UCHL5: variants seen among roughly 807,000 people sequenced by gnomAD.
The protein encoded by UCHL5 is ubiquitin carboxyl-terminal hydrolase isozyme L5.
A neutral mutation model predicts 53.8 loss-of-function variants in UCHL5; 34 were observed. The ratio of observed to expected loss-of-function variants is 0.63; its 90% confidence interval spans 0.48 to 0.84. The LOEUF is 0.84. UCHL5 is among the 40% of genes least tolerant of loss of function. UCHL5 has a pLI of 0.00. For missense variants in UCHL5, 290 were observed against 385.6 expected (o/e 0.75, Z 2.08); for synonymous variants, 111 against 126.3 (o/e 0.88, Z 0.81).
chr1:193,029,522 T>C lies in UCHL5; in HGVS notation c.372+10A>G. On this transcript the variant is annotated intron_variant, in intron 4 of 10. Transcript: ENST00000367454. ...ATATGACATTTTAGGAATAAGAAGA[T>C]TGTACTCACAGCTGCATCAAAACTT... 1 of 1,612,990 alleles carries C rather than the reference T, an allele frequency of 6.2e-7. No homozygotes were observed. Among genetic ancestry groups the C allele is most frequent in the African/African-American group, 1.3e-5 (1 of 75,012 alleles).
At chr1:193,060,040 T>A (rs1186717098), upstream of UCHL5, 5 of 1,344,930 alleles carry the variant, frequency 3.7e-6, no homozygotes, top group Non-Finnish European at 4.0e-6. Flanking sequence ...CCGCTCCTGC[T>A]TGTCGGCATC....
intron 1 of UCHL5, among the ~76,000 whole-genome samples, chr1:193,052,592 G>A (rs143556993): frequency 6.6e-5 from 10 of 152,220 alleles, no homozygotes; most frequent in African/African-American, 2.4e-4. Flanking sequence ...TAAGAGCTCG[G>A]GCTCCAAACT....
At chr1:193,029,765 T>C (rs984022302) in intron 3 of UCHL5, 108 bp from the exon 4 acceptor site, 2 of 893,550 alleles carry the variant, frequency 2.2e-6, no homozygotes, top group Non-Finnish European at 3.3e-6. Flanking sequence ...TTATATTTTA[T>C]GAAGTCTCAG....
At chr1:193,044,476 C>T (rs562603070) in intron 3 of UCHL5, among the ~76,000 whole-genome samples, 21 of 152,094 alleles carry the variant, frequency 1.4e-4, no homozygotes, top group African/African-American at 4.8e-4. Context: ...TTTCTGGATC[C>T]TTATATACAA....
At chr1:193,044,919 T>C (rs1310382922) in intron 3 of UCHL5, among the ~76,000 whole-genome samples, 1 of 152,126 alleles carries the variant, frequency 6.6e-6, no homozygotes, top group South Asian at 2.1e-4. Flanking sequence ...AAAACAATGA[T>C]ATGGGGAATC....
intron 6 of UCHL5, among the ~76,000 whole-genome samples, chr1:193,028,665 C>G (rs1322932826): frequency 6.6e-6 from 1 of 152,064 alleles, no homozygotes; most frequent in Non-Finnish European, 1.5e-5. Flanking sequence ...ATTTTTTGCT[C>G]AGCATTAGAG....
Position 193,029,651 on chromosome 1 carries a change from T to G in UCHL5, c.253A>C (p.Asn85His). 1 of 1,593,344 alleles carries G rather than the reference T, an allele frequency of 6.3e-7. No homozygotes were observed. Among genetic ancestry groups the G allele is most frequent in the Non-Finnish European group, 8.5e-7 (1 of 1,172,846 alleles). Residue 85 changes from asparagine to histidine, a missense_variant, in exon 4 of 11, where the codon AAT becomes CAT. Asn to His is a moderately conservative substitution (Grantham distance 68). Coordinates refer to ENST00000367454, the MANE Select transcript of UCHL5 (RefSeq NM_001199261.3). ...ATGGCTTGAGTAGCACAAGCATTAT[T>G]AATTACCTATAAAATATAAAAGTGA... ...DTIFFAKQVI[N>H]NACATQAIVS...
chr1:193,058,159 G>A (rs572027872), intron 1 of UCHL5, among the ~76,000 whole-genome samples: 34 of 152,084 alleles, frequency 2.2e-4, no homozygotes, highest in Non-Finnish European at 4.6e-4. Flanking sequence ...CCCGAGAGAT[G>A]GAGGTTGCAG....
intron 1 of UCHL5, among the ~76,000 whole-genome samples, chr1:193,058,611 GC>G (rs1376456553): frequency 6.6e-6 from 1 of 152,260 alleles, no homozygotes. Context: ...TGAGCAGAGA[GC>G]GGAACCAGTG....
chr1:193,053,818 C>T (rs777856706), intron 1 of UCHL5, among the ~76,000 whole-genome samples: 4 of 151,968 alleles, frequency 2.6e-5, no homozygotes, highest in African/African-American at 9.7e-5. Context: ...ATATCTTTTG[C>T]GTGCCAAGCA....
At position 193,021,039 on chromosome 1, in the gene UCHL5, A is replaced by G. The variant is rs542367542; in HGVS notation, c.942+58T>C. The G allele has an allele frequency of 2.0e-5, 26 of 1,307,056 alleles. No homozygotes were observed. In the South Asian group the frequency reaches 3.3e-4, roughly 17 times the overall value. 81.0% of individuals were successfully genotyped at this position (1,307,056 alleles called of 1,614,324 possible). On this transcript the variant is annotated intron_variant, in intron 10 of 10. Coordinates refer to ENST00000367454, the MANE Select transcript of UCHL5 (RefSeq NM_001199261.3). ...TATTCAAGCAAAAAATAAAAAATACATTTTATGTTTTTGGAGACTCTAAAC... is the reference window on the plus strand; with the variant it reads ...TATTCAAGCAAAAAATAAAAAATACGTTTTATGTTTTTGGAGACTCTAAAC...
At position 193,041,632 on chromosome 1, in the gene UCHL5, A is replaced by G. The variant is rs142525391; in HGVS notation, c.246+8114T>C. Among the ~76,000 whole-genome samples, 391 of 152,312 alleles carry G rather than the reference A, an allele frequency of 2.6e-3. 3 individuals carry two copies. The highest frequency in any genetic ancestry group is 8.8e-3 in the African/African-American group (364 of 41,564). On this transcript the variant is annotated intron_variant, in intron 3 of 10. Transcript: ENST00000367454. Reference sequence around the variant, plus strand: ...ATACTCATTCTACTTCTAGGTATACACCAGGAGAAACTTGCACATGTACAA... The same window carrying G: ...ATACTCATTCTACTTCTAGGTATACGCCAGGAGAAACTTGCACATGTACAA...
chr1:193,033,617 C>T (rs979959999), intron 3 of UCHL5, among the ~76,000 whole-genome samples: 10 of 151,362 alleles, frequency 6.6e-5, no homozygotes, highest in African/African-American at 2.4e-4. Flanking sequence ...TTTTAATAGT[C>T]AAGGAAAAAG....
At chr1:193,051,473 T>C (rs1669020935) in intron 2 of UCHL5, among the ~76,000 whole-genome samples, 2 of 142,970 alleles carry the variant, frequency 1.4e-5, no homozygotes, top group Non-Finnish European at 3.1e-5. Context: ...TAAGTGAATT[T>C]TGTAAAAAAA....
In UCHL5 at chr1:193,012,809, C is replaced by A; in HGVS notation, c.*3542G>T. 1 of 152,162 alleles carries A rather than the reference C, an allele frequency of 6.6e-6. No individual in the cohort carries two copies. Among genetic ancestry groups the A allele is most frequent in the African/African-American group, 2.4e-5 (1 of 41,436 alleles). 9.4% of individuals were successfully genotyped at this position (152,162 alleles called of 1,614,324 possible). ...TTCCTGTTATACTATCCTCTAGCAT[C>A]TAGAACAACTCAGATGTACCTCATA... On this transcript the variant is annotated 3_prime_UTR_variant, in exon 11 of 11. Coordinates refer to ENST00000367454, the MANE Select transcript of UCHL5 (RefSeq NM_001199261.3).
chr1:193,049,836 T>C lies in UCHL5; in HGVS notation c.156A>G (p.Leu52=). ...CTGGCTGCCACTTGAAAAGAAAAAT[T>C]AACCCATGAACTGGCCTACAAAATA... is the stretch of plus-strand genomic sequence containing the variant. ...NFEKLKPVHG[L]IFLFKWQPGE... The change falls in exon 3 of 11, where the codon TTA becomes TTG. Residue 52 remains leucine, a synonymous_variant. Coordinates refer to ENST00000367454, the MANE Select transcript of UCHL5 (RefSeq NM_001199261.3). 1.2e-6 allele frequency: 2 copies of C among 1,611,038 alleles called. No homozygotes were observed. Among genetic ancestry groups the C allele is most frequent in the Non-Finnish European group, 1.7e-6 (2 of 1,177,884 alleles).
chr1:193,036,047 TAAC>T (rs1204971638), intron 3 of UCHL5, among the ~76,000 whole-genome samples: 2 of 151,734 alleles, frequency 1.3e-5, no homozygotes, highest in African/African-American at 4.8e-5. Context: ...GAAAATTTCT[TAAC>T]AACAAAGGAA....
At chr1:193,048,296 T>G (rs889081612) in intron 3 of UCHL5, among the ~76,000 whole-genome samples, 3 of 152,154 alleles carry the variant, frequency 2.0e-5, no homozygotes, top group Non-Finnish European at 4.4e-5. Context: ...AATTTTCAAG[T>G]GAAAATTTAA....
intron 9 of UCHL5, among the ~76,000 whole-genome samples, chr1:193,021,406 T>C (rs948802014): frequency 6.6e-6 from 1 of 152,174 alleles, no homozygotes; most frequent in South Asian, 2.1e-4. Context: ...GCCCCTGACT[T>C]AGCAAATAAT....
Sources: gnomAD v4.1 joint callset for allele counts (sites outside exome capture counted in the v4.1 genomes callset) on GRCh38, gnomAD v4.1.1 for gene constraint, MANE v1.5 for transcripts, NCBI Gene and HGNC (gene_info 2026-07-23, HGNC 2026-07-21) for gene names.